Variants in CHRM3 observed in about 807,000 individuals in gnomAD.
CHRM3 encodes cholinergic receptor muscarinic 3, also known as muscarinic acetylcholine receptor M3.
A neutral mutation model predicts 41.8 loss-of-function variants in CHRM3; 11 were observed. The ratio of observed to expected loss-of-function variants is 0.26; its 90% CI spans 0.17 to 0.44. The LOEUF (loss-of-function observed/expected upper bound fraction) is 0.44, where lower values mean the gene tolerates loss of function less well. CHRM3 is among the 20% of genes least tolerant of loss of function. The pLI is 1.00. For missense variants in CHRM3, 571 were observed against 745.4 expected (o/e 0.77, Z 2.72); for synonymous variants, 297 against 301.4 (o/e 0.99, Z 0.15).
intron 3 of CHRM3, among the ~76,000 whole-genome samples, chr1:239,562,888 C>CA (rs1269385069): frequency 0.021 from 1,088 of 50,690 alleles, 7 homozygotes; most frequent in African/African-American, 0.036. Flanking sequence ...ACTCTGTCTC[C>CA]AAAAAAAAAA....
chr1:239,580,704 T>TATATATATATATACACAC (rs570878631), intron 3 of CHRM3, among the ~76,000 whole-genome samples: 9 of 131,084 alleles, frequency 6.9e-5, no homozygotes, highest in African/African-American at 2.3e-4. Context: ...TATATATATA[T>TATATATATATATACACAC]ACACACACAC....
intron 5 of CHRM3, among the ~76,000 whole-genome samples, chr1:239,774,942 A>T (rs1029521412): frequency 2.6e-5 from 4 of 152,118 alleles, no homozygotes; most frequent in Non-Finnish European, 5.9e-5. Flanking sequence ...AGTTTTGGAA[A>T]TCTCCTTGCC....
At chr1:239,834,453 C>T (rs978953840) in intron 6 of CHRM3, among the ~76,000 whole-genome samples, 1 of 151,774 alleles carries the variant, frequency 6.6e-6, no homozygotes, top group Admixed American at 6.6e-5. Flanking sequence ...TAATAGGGGA[C>T]TTACTTATTC....
intron 5 of CHRM3, among the ~76,000 whole-genome samples, chr1:239,737,671 A>G (rs1664501065): frequency 6.6e-6 from 1 of 152,118 alleles, no homozygotes; most frequent in African/African-American, 2.4e-5. Flanking sequence ...GGGTAGAGCA[A>G]TGTTTTCCAG....
At position 239,627,120 on chromosome 1, in the gene CHRM3, T is replaced by C. The variant is rs1372308045; in HGVS notation, c.-312-5104T>C. On this transcript the variant is annotated intron_variant, in intron 3 of 6. Coordinates refer to ENST00000676153, the MANE Select transcript of CHRM3 (RefSeq NM_001375978.1). ...AGTGGGGTGTTAAAGTCTCCCATTA[T>C]TAATGTGTGGGAGTCTAAGTCTCTT... Among the ~76,000 whole-genome samples the C allele has an allele frequency of 2.7e-3, 239 of 88,162 alleles. 1 individual carries two copies. The highest frequency in any genetic ancestry group is 0.01 in the African/African-American group (231 of 22,056). The allele number at this position is 88,162 out of a possible 152,430, so 57.8% of individuals were successfully genotyped here.
At chr1:239,400,781 G>T (rs1659901829) in intron 1 of CHRM3, among the ~76,000 whole-genome samples, 2 of 152,008 alleles carry the variant, frequency 1.3e-5, no homozygotes, top group Non-Finnish European at 2.9e-5. Flanking sequence ...TTATTTTTGG[G>T]CTCTTTATTC....
chr1:239,909,201 C>A lies in CHRM3; in HGVS notation c.1750C>A (p.Arg584Ser). Residue 584 changes from arginine (R) to serine (S), a missense_variant, in exon 7 of 7, where the codon CGC becomes AGC. Arg to Ser is a moderately radical substitution (Grantham distance 110). This residue lies in a region of CHRM3 where 44 missense variants were observed against 39.7 expected (regional missense o/e 1.11). Transcript: ENST00000676153. ...QQRQSVIFHK[R>S]APEQAL is the part of the protein sequence containing the mutation. The stretch of plus-strand genomic sequence containing the variant: ...GAGACAGTCGGTCATTTTTCACAAG[C>A]GCGCACCCGAGCAGGCCTTGTAGAA... 1.2e-6 allele frequency: 2 copies of A among 1,610,778 alleles called. No homozygotes were observed. Among genetic ancestry groups the A allele is most frequent in the Non-Finnish European group, 1.7e-6 (2 of 1,178,632 alleles).
intron 4 of CHRM3, among the ~76,000 whole-genome samples, chr1:239,641,214 T>C (rs1200278865): frequency 2.0e-5 from 3 of 152,180 alleles, no homozygotes; most frequent in African/African-American, 7.2e-5. Context: ...ATCGGTGTGG[T>C]GCGGTGCTGA....
rs546771697 is a variant in CHRM3, at chr1:239,719,881, G to A, written c.-147+41593G>A. On this transcript the variant is annotated intron_variant, in intron 5 of 6. Coordinates refer to ENST00000676153, the MANE Select transcript of CHRM3 (RefSeq NM_001375978.1). ...GGGAAAGGGGTGATATTTGTGTTGA[G>A]CTCTGAGCACATGCAGAATAGATCT... Among the ~76,000 whole-genome samples the A allele has an allele frequency of 6.6e-5, 10 of 152,034 alleles. No individual in the cohort carries two copies. The South Asian group carries it at 1.9e-3, about 28-fold the overall frequency.
chr1:239,643,897 A>C lies in CHRM3; in HGVS notation c.-250+11611A>C, dbSNP rs892825751. 2.6e-5 allele frequency among the ~76,000 whole-genome samples: 4 copies of C among 152,212 alleles called. No individual in the cohort carries two copies. In the South Asian group the frequency reaches 8.3e-4, roughly 32 times the overall value. On this transcript the variant is annotated intron_variant, in intron 4 of 6. Transcript: ENST00000676153. ...GGAGCTGTAGACTGGAGCTGTTCCT[A>C]TTCGGCCATCTTCTCATCAAAGTGT...
intron 5 of CHRM3, among the ~76,000 whole-genome samples, chr1:239,714,840 T>C (rs757767752): frequency 6.6e-6 from 1 of 152,086 alleles, no homozygotes; most frequent in Non-Finnish European, 1.5e-5. Context: ...TTGAATGACC[T>C]AAGTGGACAG....
chr1:239,596,841 A>G (rs980867810), intron 3 of CHRM3, among the ~76,000 whole-genome samples: 6 of 152,166 alleles, frequency 3.9e-5, no homozygotes, highest in African/African-American at 4.8e-5. Context: ...CTGCACATAT[A>G]TATAATCTTT....
chr1:239,857,737 G>A (rs1375693429), intron 6 of CHRM3, among the ~76,000 whole-genome samples: 3 of 152,118 alleles, frequency 2.0e-5, no homozygotes, highest in Non-Finnish European at 2.9e-5. Context: ...ACCTGGAAGG[G>A]AGGTGGATAA....
intron 5 of CHRM3, among the ~76,000 whole-genome samples, chr1:239,806,903 A>G (rs1359399100): frequency 6.6e-6 from 1 of 152,206 alleles, no homozygotes; most frequent in Non-Finnish European, 1.5e-5. Context: ...GAAGAATTCC[A>G]AAGAAGCGTA....
intron 5 of CHRM3, among the ~76,000 whole-genome samples, chr1:239,747,647 GA>G (rs1435255290): frequency 2.0e-5 from 3 of 152,170 alleles, no homozygotes; most frequent in African/African-American, 7.2e-5. Flanking sequence ...CTTGCTTTGA[GA>G]ATGTGTGGCT....
At chr1:239,817,054 T>C (rs1671652401) in intron 5 of CHRM3, among the ~76,000 whole-genome samples, 1 of 152,134 alleles carries the variant, frequency 6.6e-6, no homozygotes, top group Non-Finnish European at 1.5e-5. Flanking sequence ...CTAGGGATGA[T>C]ATTAGCACAT....
intron 5 of CHRM3, among the ~76,000 whole-genome samples, chr1:239,693,138 T>A (rs1421146944): frequency 6.6e-6 from 1 of 152,146 alleles, no homozygotes; most frequent in African/African-American, 2.4e-5. Flanking sequence ...ATTGTTACCT[T>A]TGGCTCTCTA....
At chr1:239,846,284 G>C (rs1437965707) in intron 6 of CHRM3, among the ~76,000 whole-genome samples, 2 of 152,090 alleles carry the variant, frequency 1.3e-5, no homozygotes, top group African/African-American at 4.8e-5. Flanking sequence ...ACATTCTTGG[G>C]ACTACTATAG....
intron 5 of CHRM3, among the ~76,000 whole-genome samples, chr1:239,769,974 TC>T (rs1667529971): frequency 1.3e-5 from 2 of 152,192 alleles, no homozygotes; most frequent in Admixed American, 1.3e-4. Flanking sequence ...CTGGGGCACC[TC>T]CCACTTAAAA....
Sources: allele counts gnomAD v4.1 joint callset (sites outside exome capture counted in the v4.1 genomes callset), GRCh38; gene constraint gnomAD v4.1.1; regional missense constraint gnomAD v4.1.1; transcripts MANE v1.5; gene names NCBI Gene and HGNC (gene_info 2026-07-23, HGNC 2026-07-21).